Variants in SNTB1 observed in about 807,000 individuals in gnomAD.
The protein encoded by SNTB1 is syntrophin beta 1.
SNTB1 carries 36 observed loss-of-function variants against 48.9 expected under a neutral mutation model. The observed-to-expected ratio is 0.74, with a 90% CI of 0.56 to 0.97. SNTB1 has a LOEUF of 0.97. Among genes scored for constraint, SNTB1 ranks in the 50% least tolerant of loss-of-function variants. SNTB1 has a pLI of 0.00. For missense variants in SNTB1, 786 were observed against 703.4 expected (o/e 1.12, Z -1.33); for synonymous variants, 299 against 294.6 (o/e 1.01, Z -0.15).
intron 1 of SNTB1, among the ~76,000 whole-genome samples, chr8:120,803,845 C>T (rs1280069158): frequency 6.6e-5 from 10 of 152,134 alleles, no homozygotes; most frequent in Non-Finnish European, 1.2e-4. Flanking sequence ...AGGTAGAAAG[C>T]GTTCTTACAT....
In SNTB1 at chr8:120,569,487, TC is replaced by T. The variant is rs1363681697; in HGVS notation, c.1136+5598del. Among the ~76,000 whole-genome samples, 3 of 152,230 alleles carry T rather than the reference TC, an allele frequency of 2.0e-5. No individual in the cohort carries two copies. In the East Asian group the frequency reaches 5.8e-4, roughly 29 times the overall value. On this transcript the variant is annotated intron_variant, in intron 4 of 6. Coordinates refer to ENST00000517992, the MANE Select transcript of SNTB1 (RefSeq NM_021021.4). Reference sequence around the variant, plus strand: ...AGTTCCCATTTACTGTTTCTGCACATCCATCTCTCCTTCTGGGCCTTTGCTT... The same window carrying T: ...AGTTCCCATTTACTGTTTCTGCACATCATCTCTCCTTCTGGGCCTTTGCTT...
intron 1 of SNTB1, among the ~76,000 whole-genome samples, chr8:120,807,252 T>C (rs1276900336): frequency 6.6e-6 from 1 of 152,220 alleles, no homozygotes; most frequent in Non-Finnish European, 1.5e-5. Context: ...CTATTTCAAA[T>C]TACTATTTTA....
chr8:120,544,790 CTTTTT>C (rs113100073), intron 5 of SNTB1, among the ~76,000 whole-genome samples: 10 of 114,160 alleles, frequency 8.8e-5, no homozygotes, highest in Admixed American at 1.9e-4. Flanking sequence ...AAATTCAAAA[CTTTTT>C]TTTTTTTTTT....
At chr8:120,667,478 CTT>C (rs1465654075) in intron 2 of SNTB1, among the ~76,000 whole-genome samples, 1 of 152,196 alleles carries the variant, frequency 6.6e-6, no homozygotes, top group Non-Finnish European at 1.5e-5. Context: ...TTCCCAGAGT[CTT>C]AGACTAATAT....
intron 3 of SNTB1, among the ~76,000 whole-genome samples, chr8:120,606,774 C>A (rs887132227): frequency 1.3e-5 from 2 of 152,094 alleles, no homozygotes; most frequent in African/African-American, 4.8e-5. Context: ...TACAAATGTC[C>A]ATCACTTTAA....
At chr8:120,777,712 G>C (rs1273365764) in intron 1 of SNTB1, among the ~76,000 whole-genome samples, 2 of 152,212 alleles carry the variant, frequency 1.3e-5, no homozygotes, top group Non-Finnish European at 1.5e-5. Flanking sequence ...AGTGGTTCAA[G>C]CTTTGAACAG....
chr8:120,758,335 G>A (rs1028715697), intron 1 of SNTB1, among the ~76,000 whole-genome samples: 1 of 152,126 alleles, frequency 6.6e-6, no homozygotes, highest in Non-Finnish European at 1.5e-5. Flanking sequence ...TTGAGGGGAG[G>A]ATATGAGTTT....
At chr8:120,644,309 C>A (rs13252254) in intron 2 of SNTB1, among the ~76,000 whole-genome samples, 1 of 108,438 alleles carries the variant, frequency 9.2e-6, no homozygotes, top group Non-Finnish European at 1.8e-5. Context: ...CTATCCCTCC[C>A]CCCTCCCCCC....
chr8:120,619,634 A>G (rs140433212), intron 3 of SNTB1, among the ~76,000 whole-genome samples: 2 of 152,258 alleles, frequency 1.3e-5, no homozygotes, highest in Non-Finnish European at 2.9e-5. Context: ...TTGATTCTTT[A>G]TTAAGTTCAG....
intron 4 of SNTB1, chr8:120,571,322 C>T (rs72680560): frequency 0.18 from 218,830 of 1,222,586 alleles, 25,139 homozygotes; most frequent in African/African-American, 0.27. Flanking sequence ...GTTTCTGTTG[C>T]GGGAATGTCT....
At chr8:120,700,217 G>A (rs1818284121) in intron 1 of SNTB1, among the ~76,000 whole-genome samples, 1 of 152,026 alleles carries the variant, frequency 6.6e-6, no homozygotes, top group African/African-American at 2.4e-5. Context: ...ATATTTTTAT[G>A]TGCTGTGAGA....
intron 2 of SNTB1, among the ~76,000 whole-genome samples, chr8:120,686,838 TA>T (rs1818043563): frequency 3.9e-5 from 6 of 152,204 alleles, no homozygotes; most frequent in Admixed American, 3.3e-4. Flanking sequence ...ACTTTATATA[TA>T]TTTTTTTCTG....
At chr8:120,774,251 G>C (rs1819692479) in intron 1 of SNTB1, among the ~76,000 whole-genome samples, 1 of 152,190 alleles carries the variant, frequency 6.6e-6, no homozygotes. Flanking sequence ...TGATTAACTG[G>C]AGAAAAGATG....
chr8:120,581,088 C>CAAAAAAAAA (rs775547135), intron 3 of SNTB1, among the ~76,000 whole-genome samples: 1 of 89,992 alleles, frequency 1.1e-5, no homozygotes, highest in African/African-American at 3.7e-5. Flanking sequence ...GACCCTGTCT[C>CAAAAAAAAA]AAAAAAAAAA....
chr8:120,696,106 T>A (rs6983421), intron 1 of SNTB1, among the ~76,000 whole-genome samples: 65,446 of 152,086 alleles, frequency 0.43, 17,042 homozygotes, highest in East Asian at 0.73. Flanking sequence ...TAGAAGCTAG[T>A]ACACTGCTTA....
chr8:120,642,314 A>G (rs777541074), intron 2 of SNTB1, among the ~76,000 whole-genome samples: 8 of 152,236 alleles, frequency 5.3e-5, no homozygotes, highest in Non-Finnish European at 1.0e-4. Flanking sequence ...AACCAAAAGT[A>G]TTCTTCAGAT....
intron 1 of SNTB1, among the ~76,000 whole-genome samples, chr8:120,787,267 C>T (rs1819940353): frequency 6.6e-6 from 1 of 150,744 alleles, no homozygotes; most frequent in Admixed American, 6.6e-5. Flanking sequence ...AATAGTTTAC[C>T]TAAAAAAGAA....
intron 1 of SNTB1, among the ~76,000 whole-genome samples, chr8:120,810,389 T>G (rs1430342206): frequency 6.6e-6 from 1 of 152,106 alleles, no homozygotes; most frequent in Non-Finnish European, 1.5e-5. Flanking sequence ...AAACGGTGGT[T>G]CCTATTCTAT....
intron 1 of SNTB1, among the ~76,000 whole-genome samples, chr8:120,803,550 A>T (rs1257497058): frequency 6.6e-6 from 1 of 152,206 alleles, no homozygotes; most frequent in East Asian, 1.9e-4. Context: ...TAGCTACCAC[A>T]GAATAATTTT....
Sources: allele counts gnomAD v4.1 joint callset (sites outside exome capture counted in the v4.1 genomes callset), GRCh38; gene constraint gnomAD v4.1.1; transcripts MANE v1.5; gene names NCBI Gene and HGNC (gene_info 2026-07-23, HGNC 2026-07-21).